SMARCA2: variants seen among roughly 807,000 people sequenced by gnomAD.
SMARCA2 encodes SWI/SNF related BAF chromatin remodeling complex subunit ATPase 2.
SMARCA2 carries 61 observed loss-of-function variants against 199.8 expected under a neutral mutation model. That is an observed-to-expected ratio of 0.31 (90% CI 0.25 to 0.38). The LOEUF (loss-of-function observed/expected upper bound fraction) is 0.38. Among genes scored for constraint, SMARCA2 ranks in the 10% least tolerant of loss-of-function variants. The probability of loss-of-function intolerance (pLI) is 1.00; values close to 1 mark genes in which losing one functional copy is unlikely to be tolerated. For missense variants in SMARCA2, 1,344 were observed against 2,012.2 expected (o/e 0.67, Z 6.35); for synonymous variants, 935 against 732.0 (o/e 1.28, Z -4.48).
At chr9:2,160,542 G>A in intron 27 of SMARCA2, 1 of 686,862 alleles carries the variant, frequency 1.5e-6, no homozygotes, top group Non-Finnish European at 2.7e-6. Flanking sequence ...TGTCTGAGCT[G>A]TAATCACTCT....
chr9:2,113,433 G>A (rs1388215138), intron 24 of SMARCA2, among the ~76,000 whole-genome samples: 1 of 152,178 alleles, frequency 6.6e-6, no homozygotes, highest in Non-Finnish European at 1.5e-5. Flanking sequence ...TTAGCTTCAA[G>A]TATTATCAGA....
intron 12 of SMARCA2, among the ~76,000 whole-genome samples, 191 bp from the exon 13 acceptor site, chr9:2,076,038 T>C (rs1035264466): frequency 6.6e-6 from 1 of 152,236 alleles, no homozygotes; most frequent in African/African-American, 2.4e-5. Context: ...ATCTCATTCA[T>C]GATTTCAACA....
At chr9:2,041,772 T>C (rs1819615774) in intron 4 of SMARCA2, 1 of 184,878 alleles carries the variant, frequency 5.4e-6, no homozygotes, top group African/African-American at 2.3e-5. Flanking sequence ...GCAGTTTGAA[T>C]CCTAAAAGTA....
At chr9:2,183,442 T>G (rs976823696) in intron 31 of SMARCA2, among the ~76,000 whole-genome samples, 13 of 152,212 alleles carry the variant, frequency 8.5e-5, no homozygotes, top group African/African-American at 3.1e-4. Flanking sequence ...TAATTACACC[T>G]CAATTACTGT....
chr9:2,134,066 A>C (rs1824084815), intron 27 of SMARCA2, among the ~76,000 whole-genome samples: 1 of 152,222 alleles, frequency 6.6e-6, no homozygotes, highest in Non-Finnish European at 1.5e-5. Flanking sequence ...AGAAGGACTC[A>C]GAAATACGTA....
intron 1 of SMARCA2, among the ~76,000 whole-genome samples, chr9:2,026,176 A>G (rs1037638722): frequency 1.3e-5 from 2 of 152,144 alleles, no homozygotes; most frequent in Non-Finnish European, 1.5e-5. Context: ...ATATCACGTC[A>G]CGTTCTATGA....
intron 27 of SMARCA2, 142 bp downstream of exon 27, chr9:2,124,079 G>A (rs2130627493): frequency 1.4e-6 from 1 of 711,106 alleles, no homozygotes; most frequent in East Asian, 2.7e-5. Context: ...AGAAGATAAA[G>A]TCATTCTGCT....
intron 18 of SMARCA2, 105 bp downstream of exon 18, chr9:2,087,176 C>A: frequency 7.2e-7 from 1 of 1,385,580 alleles, no homozygotes; most frequent in Non-Finnish European, 9.9e-7. Flanking sequence ...GGGTGGTTTC[C>A]ACTGTTGTTT....
Position 2,038,095 on chromosome 9 carries a change from G to A in SMARCA2, c.356-1371G>A, listed in dbSNP as rs570119331. 2.2e-4 allele frequency among the ~76,000 whole-genome samples: 34 copies of A among 152,166 alleles called. 2 individuals carry two copies. In the South Asian group the frequency reaches 5.8e-3, roughly 26 times the overall value. On this transcript the variant is annotated intron_variant, in intron 3 of 33. Transcript: ENST00000349721. ...TGTTATATCACAAGTGGTTCTAGAA[G>A]GTTTTTGAAACTTTCAAGTCCCTAA...
At chr9:2,145,772 T>C (rs1011172766) in intron 27 of SMARCA2, among the ~76,000 whole-genome samples, 7 of 152,204 alleles carry the variant, frequency 4.6e-5, no homozygotes, top group African/African-American at 1.7e-4. Flanking sequence ...TTTCCCTCCC[T>C]CATTACTGTG....
rs1023778608 is a variant in SMARCA2, at chr9:2,169,410, C to A, written c.4200-1009C>A. Among the ~76,000 whole-genome samples, 1 of 151,704 alleles carries A rather than the reference C, an allele frequency of 6.6e-6. No homozygotes were observed. The highest frequency in any genetic ancestry group is 1.5e-5 in the Non-Finnish European group (1 of 68,028). On this transcript the variant is annotated intron_variant, in intron 28 of 33. Transcript: ENST00000349721. The surrounding 1 kb of genome is among the most constrained non-coding windows in gnomAD (Gnocchi z 6.5). Reference sequence around the variant, plus strand: ...TCTTCCACAGTCTGAACCTTCGGATCTTCCCAACTTTTTTTTTCCAACGCA... The same window carrying A: ...TCTTCCACAGTCTGAACCTTCGGATATTCCCAACTTTTTTTTTCCAACGCA...
In SMARCA2 at chr9:2,070,060, C is replaced by T. The variant is rs149398753; in HGVS notation, c.1693-358C>T. Among the ~76,000 whole-genome samples, 232 of 152,220 alleles carry T rather than the reference C, an allele frequency of 1.5e-3. 1 individual carries two copies. The highest frequency in any genetic ancestry group is 5.5e-3 in the African/African-American group (228 of 41,526). On this transcript the variant is annotated intron_variant, in intron 9 of 33. Coordinates refer to ENST00000349721, the MANE Select transcript of SMARCA2 (RefSeq NM_003070.5). ...TTGCTTAGGGGATAGGAAAGTTGAG[C>T]TAATTATGTCAGGATATATCTTCCC...
intron 29 of SMARCA2, among the ~76,000 whole-genome samples, chr9:2,176,767 G>C (rs1227656907): frequency 6.6e-6 from 1 of 150,506 alleles, no homozygotes; most frequent in Non-Finnish European, 1.5e-5. Flanking sequence ...CATGTTGTCT[G>C]TGCTGGTCTT....
intron 1 of SMARCA2, among the ~76,000 whole-genome samples, chr9:2,018,745 C>G (rs542244943): frequency 6.6e-6 from 1 of 152,080 alleles, no homozygotes; most frequent in Non-Finnish European, 1.5e-5. Context: ...CATTGAGAAC[C>G]CTAATAATAA....
chr9:2,052,870 A>C (rs1820184773), intron 5 of SMARCA2, among the ~76,000 whole-genome samples: 1 of 152,230 alleles, frequency 6.6e-6, no homozygotes, highest in African/African-American at 2.4e-5. Flanking sequence ...TGGTTGCCTT[A>C]GGACAGAACC....
At chr9:2,069,352 T>C (rs935852370) in intron 9 of SMARCA2, among the ~76,000 whole-genome samples, 2 of 151,032 alleles carry the variant, frequency 1.3e-5, no homozygotes, top group African/African-American at 2.4e-5. Context: ...GTCAGGAGAT[T>C]GAGACCATCG....
chr9:2,178,302 G>C (rs896304875), intron 29 of SMARCA2, among the ~76,000 whole-genome samples: 1 of 152,132 alleles, frequency 6.6e-6, no homozygotes, highest in Non-Finnish European at 1.5e-5. Context: ...TGTCTCATCA[G>C]AGCCATACTT....
chr9:2,127,062 C>G (rs1193490006), intron 27 of SMARCA2, among the ~76,000 whole-genome samples: 1 of 152,206 alleles, frequency 6.6e-6, no homozygotes, highest in East Asian at 1.9e-4. Context: ...TCCTCTTTCT[C>G]TTGAACTTTC....
At chr9:2,160,015 T>C in intron 27 of SMARCA2, 2 of 1,459,890 alleles carry the variant, frequency 1.4e-6, no homozygotes, top group Non-Finnish European at 1.9e-6. Flanking sequence ...TATTTCTGTG[T>C]GCAACTGGGT....
Sources: allele counts gnomAD v4.1 joint callset (sites outside exome capture counted in the v4.1 genomes callset), GRCh38; gene constraint gnomAD v4.1.1; non-coding constraint Gnocchi (gnomAD v3.1); transcripts MANE v1.5; gene names NCBI Gene and HGNC (gene_info 2026-07-23, HGNC 2026-07-21).